Variants in PTPRU observed in about 807,000 individuals in gnomAD.
PTPRU encodes the protein protein tyrosine phosphatase receptor type U, also known as receptor-type tyrosine-protein phosphatase U.
In PTPRU, 69 loss-of-function variants were observed where a neutral mutation model predicts 166.3. The ratio of observed to expected loss-of-function variants is 0.41; its 90% CI spans 0.34 to 0.51. The LOEUF is 0.51. Among genes scored for constraint, PTPRU ranks in the 20% least tolerant of loss-of-function variants. PTPRU has a pLI of 0.09. For synonymous variants in PTPRU, 793 were observed against 814.0 expected (o/e 0.97, Z 0.44); for missense variants, 1,657 against 2,013.7 (o/e 0.82, Z 3.39).
chr1:29,257,230 T>C lies in PTPRU; in HGVS notation c.206-1275T>C, dbSNP rs1211553536. 7.2e-6 allele frequency among the ~76,000 whole-genome samples: 1 copy of C among 139,016 alleles called. No homozygotes were observed. The highest frequency in any genetic ancestry group is 2.6e-5 in the African/African-American group (1 of 38,960). 91.2% of individuals were successfully genotyped at this position (139,016 alleles called of 152,430 possible). Reference sequence around the variant, plus strand: ...GCAGGGAGAGGAGAGAGAAGTAGCATGAGTGGGCCAAGAGGGAGTGTGTTG... The same window carrying C: ...GCAGGGAGAGGAGAGAGAAGTAGCACGAGTGGGCCAAGAGGGAGTGTGTTG... On this transcript the variant is annotated intron_variant, in intron 2 of 29. Transcript: ENST00000373779. This position sits in a 1 kb window ranked among gnomAD's most constrained non-coding sequence, Gnocchi z 4.6.
chr1:29,240,294 T>C (rs1049297288), intron 1 of PTPRU, among the ~76,000 whole-genome samples: 1 of 152,198 alleles, frequency 6.6e-6, no homozygotes, highest in African/African-American at 2.4e-5. Flanking sequence ...AGTTTATTAG[T>C]GCTGTCTCCC....
intron 17 of PTPRU, 40 bp from the exon 18 acceptor site, chr1:29,305,312 T>C: frequency 6.3e-7 from 1 of 1,597,956 alleles, no homozygotes; most frequent in African/African-American, 1.3e-5. Flanking sequence ...AGCTCTGGGC[T>C]CCCCAGTTCA....
chr1:29,309,583 G>A (rs759166952), intron 18 of PTPRU, among the ~76,000 whole-genome samples: 1 of 152,196 alleles, frequency 6.6e-6, no homozygotes, highest in Non-Finnish European at 1.5e-5. Context: ...AATAAGTACT[G>A]ACTTTGTGCT....
rs1378389209 is a variant in PTPRU, at chr1:29,320,143, G to A, written c.3688-542G>A. The A allele has an allele frequency of 6.6e-6, 1 of 152,414 alleles. No individual in the cohort carries two copies. Among genetic ancestry groups the A allele is most frequent in the South Asian group, 2.1e-4 (1 of 4,828 alleles). The allele number at this position is 152,414 out of a possible 1,614,324, so 9.4% of individuals were successfully genotyped here. On this transcript the variant is annotated intron_variant, in intron 25 of 29. Coordinates refer to ENST00000373779, the MANE Select transcript of PTPRU (RefSeq NM_133178.4). The surrounding 1 kb of genome is among the most constrained non-coding windows in gnomAD (Gnocchi z 5.2). ...TTAGCAGGTGGAGTGGGATAGTCAG[G>A]AAATATACAATGAAATGTCATCAAC...
chr1:29,257,833 C>A lies in PTPRU; in HGVS notation c.206-672C>A, dbSNP rs1211493650. Among the ~76,000 whole-genome samples, 2 of 152,050 alleles carry A rather than the reference C, an allele frequency of 1.3e-5. No individual in the cohort carries two copies. The highest frequency in any genetic ancestry group is 2.9e-5 in the Non-Finnish European group (2 of 68,022). ...TTTGGAAGGGGTGGCCTTTGAGGGA[C>A]TGTTGTGTGCCAAGCTCTTGACTCC... is the stretch of plus-strand genomic sequence containing the variant. On this transcript the variant is annotated intron_variant, in intron 2 of 29. Transcript: ENST00000373779. The surrounding 1 kb of genome is among the most constrained non-coding windows in gnomAD (Gnocchi z 4.6).
At chr1:29,306,104 C>T (rs1687378793) in intron 18 of PTPRU, among the ~76,000 whole-genome samples, 1 of 152,232 alleles carries the variant, frequency 6.6e-6, no homozygotes, top group Non-Finnish European at 1.5e-5. Context: ...CTCAGCCTGT[C>T]TGTGTCTCTA....
chr1:29,249,333 C>G (rs1188530334), intron 1 of PTPRU, among the ~76,000 whole-genome samples: 1 of 152,270 alleles, frequency 6.6e-6, no homozygotes, highest in Non-Finnish European at 1.5e-5. Context: ...TAAACCATCC[C>G]CCTGCCTTCC....
At chr1:29,278,975 C>T in intron 8 of PTPRU, 37 bp from the exon 9 acceptor site, 1 of 1,520,492 alleles carries the variant, frequency 6.6e-7, no homozygotes, top group South Asian at 1.2e-5. Flanking sequence ...GCACCAAAGC[C>T]CACTTTCCCC....
At chr1:29,300,027 G>A (rs953215849) in intron 15 of PTPRU, among the ~76,000 whole-genome samples, 2 of 152,162 alleles carry the variant, frequency 1.3e-5, no homozygotes, top group Non-Finnish European at 2.9e-5. Flanking sequence ...AGTTGCCCTT[G>A]CAGGTGCTCG....
At position 29,315,909 on chromosome 1, in the gene PTPRU, C is replaced by A. The variant is rs1405540192; in HGVS notation, c.3364-93C>A. The A allele has an allele frequency of 2.0e-6, 3 of 1,476,772 alleles. No homozygotes were observed. The highest frequency in any genetic ancestry group is 4.7e-5 in the East Asian group (2 of 42,958). The allele number at this position is 1,476,772 out of a possible 1,614,324, so 91.5% of individuals were successfully genotyped here. A position where few individuals can be genotyped will look rare whatever the true frequency, so the allele number is the denominator to read the frequency against. On this transcript the variant is annotated intron_variant, in intron 23 of 29. Coordinates refer to ENST00000373779, the MANE Select transcript of PTPRU (RefSeq NM_133178.4). This position sits in a 1 kb window ranked among gnomAD's most constrained non-coding sequence, Gnocchi z 4.5. ...CATGGTTGGCCTCCACCTCAGGACA[C>A]CCTGCTTCAACCTTGAGCTTGCTTA...
In PTPRU at chr1:29,325,787, T is replaced by C; in HGVS notation, c.*126T>C. The C allele has an allele frequency of 2.8e-6, 3 of 1,072,794 alleles. No homozygotes were observed. Among genetic ancestry groups the C allele is most frequent in the Non-Finnish European group, 3.9e-6 (3 of 760,612 alleles). The allele number at this position is 1,072,794 out of a possible 1,614,324, so 66.5% of individuals were successfully genotyped here. A position where few individuals can be genotyped will look rare whatever the true frequency, so the allele number is the denominator to read the frequency against. On this transcript the variant is annotated 3_prime_UTR_variant, in exon 30 of 30. Coordinates refer to ENST00000373779, the MANE Select transcript of PTPRU (RefSeq NM_133178.4). ...CCCATGGGGCAAGCACTGGAGTGGATGCTGGGCTATCTTGCTCCCCCTTCC... is the reference window on the plus strand; with the variant it reads ...CCCATGGGGCAAGCACTGGAGTGGACGCTGGGCTATCTTGCTCCCCCTTCC...
At chr1:29,281,614 T>C (rs1229459231) in intron 11 of PTPRU, among the ~76,000 whole-genome samples, 1 of 152,232 alleles carries the variant, frequency 6.6e-6, no homozygotes, top group African/African-American at 2.4e-5. Context: ...TGTTAATGAT[T>C]ACCTCCTGGT....
chr1:29,307,749 C>CTTT (rs201782011), intron 18 of PTPRU, among the ~76,000 whole-genome samples: 4 of 117,336 alleles, frequency 3.4e-5, no homozygotes, highest in Admixed American at 9.2e-5. Context: ...AAATATTATG[C>CTTT]TTTTTTTTTT....
At chr1:29,256,803 T>C (rs1029780309) in intron 2 of PTPRU, among the ~76,000 whole-genome samples, 5 of 152,150 alleles carry the variant, frequency 3.3e-5, no homozygotes, top group Non-Finnish European at 7.3e-5. Context: ...AGGCAGCTGA[T>C]TGGAATTCAC....
At chr1:29,325,434 G>C (rs1688365540) in intron 29 of PTPRU, 108 bp downstream of exon 29, 1 of 1,523,852 alleles carries the variant, frequency 6.6e-7, no homozygotes, top group Non-Finnish European at 9.1e-7. Flanking sequence ...CTGGGCCTTG[G>C]TTCTAGCCCT....
chr1:29,320,650 G>A lies in PTPRU; in HGVS notation c.3688-35G>A. The A allele has an allele frequency of 6.5e-7, 1 of 1,534,068 alleles. No homozygotes were observed. The highest frequency in any genetic ancestry group is 1.2e-5 in the South Asian group (1 of 80,558). On this transcript the variant is annotated intron_variant, in intron 25 of 29. Transcript: ENST00000373779. The surrounding 1 kb of genome is among the most constrained non-coding windows in gnomAD (Gnocchi z 5.2). The stretch of plus-strand genomic sequence containing the variant: ...AGGCTCAGCCCAGGCCAGGGGCCGG[G>A]AACAGGGCCCTGCTGAGTTCCGGTT...
chr1:29,313,793 T>C (rs1687775238), intron 22 of PTPRU, among the ~76,000 whole-genome samples: 1 of 152,166 alleles, frequency 6.6e-6, no homozygotes, highest in South Asian at 2.1e-4. Context: ...AGTTCCAGGT[T>C]ACAGTAAACT....
At chr1:29,276,369 G>A (rs138929836) in intron 8 of PTPRU, among the ~76,000 whole-genome samples, 31 of 152,090 alleles carry the variant, frequency 2.0e-4, no homozygotes, top group African/African-American at 6.5e-4. Context: ...AGGTGGGAGT[G>A]CAGTGTCATG....
intron 14 of PTPRU, 135 bp downstream of exon 14, chr1:29,285,004 C>T (rs1411260352): frequency 1.6e-6 from 2 of 1,218,398 alleles, no homozygotes; most frequent in Non-Finnish European, 2.2e-6. Flanking sequence ...CTGGGCATCG[C>T]CTCTACAGAT....
Sources: gnomAD v4.1 joint callset for allele counts (sites outside exome capture counted in the v4.1 genomes callset) on GRCh38, gnomAD v4.1.1 for gene constraint, Gnocchi (gnomAD v3.1) non-coding constraint, MANE v1.5 for transcripts, NCBI Gene and HGNC (gene_info 2026-07-23, HGNC 2026-07-21) for gene names.